The following FBXL13 variants were observed in gnomAD, a reference collection of about 807,000 sequenced individuals.
FBXL13 encodes F-box and leucine rich repeat protein 13, also known as F-box and leucine-rich repeat protein 13.
A neutral mutation model predicts 83.6 loss-of-function variants in FBXL13; 67 were observed. That is an observed-to-expected ratio of 0.80 (90% CI 0.66 to 0.98). The LOEUF is 0.98. FBXL13 is among the 50% of genes least tolerant of loss of function. FBXL13 has a pLI of 0.00. For synonymous variants in FBXL13, 272 were observed against 299.5 expected, an observed-to-expected ratio of 0.91 and a Z score of 0.95; for missense variants, 822 against 866.5, an observed-to-expected ratio of 0.95 and a Z score of 0.64.
intron 8 of FBXL13, among the ~76,000 whole-genome samples, chr7:102,956,089 A>G (rs1289541752): frequency 1.4e-4 from 22 of 152,158 alleles, no homozygotes; most frequent in Admixed American, 1.4e-3. Flanking sequence ...AAAAAAGAGA[A>G]TTTTAGACCA....
intron 11 of FBXL13, among the ~76,000 whole-genome samples, chr7:102,903,946 T>TTTC (rs1554447258): frequency 7.0e-6 from 1 of 142,996 alleles, no homozygotes; most frequent in African/African-American, 2.6e-5. Context: ...TTTCTTTTTT[T>TTTC]TTTTTTTTTT....
At chr7:102,926,705 T>C (rs1357562928) in intron 9 of FBXL13, among the ~76,000 whole-genome samples, 1 of 152,218 alleles carries the variant, frequency 6.6e-6, no homozygotes, top group Non-Finnish European at 1.5e-5. Context: ...CACTTCTGAC[T>C]CTTCATATGC....
intron 16 of FBXL13, among the ~76,000 whole-genome samples, chr7:102,859,002 T>A (rs755866456): frequency 2.6e-5 from 4 of 152,132 alleles, no homozygotes; most frequent in Non-Finnish European, 4.4e-5. Flanking sequence ...GTACATGAAT[T>A]ATGTCTCAAT....
chr7:102,866,977 T>C (rs188650936), intron 16 of FBXL13, among the ~76,000 whole-genome samples: 3 of 152,280 alleles, frequency 2.0e-5, no homozygotes, highest in East Asian at 3.9e-4. Flanking sequence ...TAGAGACATA[T>C]ACAAAGTGCA....
Position 103,052,765 on chromosome 7 carries a change from T to A in FBXL13, c.-1+2879A>T, listed in dbSNP as rs536072751. 1.2e-3 allele frequency among the ~76,000 whole-genome samples: 182 copies of A among 151,760 alleles called. 1 individual carries two copies. The highest frequency in any genetic ancestry group is 4.3e-3 in the African/African-American group (178 of 41,432). The stretch of plus-strand genomic sequence containing the variant: ...TCTGACAATTCCTTTTCTTTTTTTT[T>A]TTTTTTTTGAGATGGAGTTTCATTC... On this transcript the variant is annotated intron_variant, in intron 2 of 19. Coordinates refer to ENST00000313221, the Ensembl canonical transcript of FBXL13.
intron 18 of FBXL13, 182 bp from the exon 20 acceptor site, chr7:102,822,385 G>A (rs1191664414): frequency 1.4e-6 from 1 of 705,530 alleles, no homozygotes; most frequent in African/African-American, 1.7e-5. Context: ...AGAGGTACCT[G>A]CAATTGGTGT....
chr7:102,827,079 G>T, intron 18 of FBXL13: 1 of 442,040 alleles, frequency 2.3e-6, no homozygotes, highest in South Asian at 1.6e-5. Flanking sequence ...CTTGTGACTT[G>T]CTTTGACCAA....
chr7:102,985,120 C>T (rs4729860), intron 6 of FBXL13, among the ~76,000 whole-genome samples: 81,523 of 152,000 alleles, frequency 0.54, 24,295 homozygotes, highest in Non-Finnish European at 0.67. Flanking sequence ...TGATCACCTG[C>T]CTGTCACTAA....
chr7:103,062,040 A>AC (rs1054608345), intron 1 of FBXL13, among the ~76,000 whole-genome samples: 11 of 151,342 alleles, frequency 7.3e-5, no homozygotes, highest in South Asian at 2.1e-4. Context: ...AAAAAAAAAA[A>AC]AAAACAAACC....
intron 6 of FBXL13, chr7:102,973,258 T>C (rs1826957798): frequency 8.0e-6 from 3 of 376,498 alleles, no homozygotes; most frequent in South Asian, 7.8e-5. Flanking sequence ...GAGTAACTCC[T>C]CTCTTCTCAG....
chr7:102,940,045 C>A (rs1404440643), intron 8 of FBXL13, among the ~76,000 whole-genome samples: 1 of 151,702 alleles, frequency 6.6e-6, no homozygotes, highest in African/African-American at 2.4e-5. Context: ...TGGGCATGTG[C>A]CACCAGGCCT....
intron 10 of FBXL13, among the ~76,000 whole-genome samples, chr7:102,916,888 A>C (rs1216886971): frequency 6.6e-6 from 1 of 152,136 alleles, no homozygotes; most frequent in East Asian, 1.9e-4. Context: ...AGAAACTACA[A>C]AGATTTTTTT....
chr7:102,872,677 G>A (rs1468317243), intron 16 of FBXL13, among the ~76,000 whole-genome samples: 2 of 152,196 alleles, frequency 1.3e-5, no homozygotes, highest in Non-Finnish European at 2.9e-5. Flanking sequence ...CATACATGGA[G>A]ATATAACCTC....
At chr7:102,824,168 G>A (rs1297666290) in intron 18 of FBXL13, among the ~76,000 whole-genome samples, 1 of 152,178 alleles carries the variant, frequency 6.6e-6, no homozygotes, top group Non-Finnish European at 1.5e-5. Context: ...AACTACAGAT[G>A]GAAACAACTT....
chr7:102,883,949 A>G (rs942591685), intron 12 of FBXL13, among the ~76,000 whole-genome samples: 4 of 152,252 alleles, frequency 2.6e-5, no homozygotes, highest in Admixed American at 1.3e-4. Flanking sequence ...TTGGCAGCTT[A>G]GCATGGAGAA....
chr7:102,907,764 G>A (rs1813989322), intron 11 of FBXL13, among the ~76,000 whole-genome samples: 1 of 152,050 alleles, frequency 6.6e-6, no homozygotes, highest in African/African-American at 2.4e-5. Flanking sequence ...TATTGTGAAG[G>A]GTGCCGCAAT....
chr7:102,976,219 TG>T, intron 6 of FBXL13: 1 of 750,754 alleles, frequency 1.3e-6, no homozygotes, highest in Non-Finnish European at 2.5e-6. Context: ...AGGGTAACCC[TG>T]ATGGTGGCAG....
intron 9 of FBXL13, among the ~76,000 whole-genome samples, chr7:102,929,749 A>G (rs1818838874): frequency 6.6e-6 from 1 of 151,898 alleles, no homozygotes; most frequent in African/African-American, 2.4e-5. Context: ...GGGTTGAGAG[A>G]AAATGAAGGG....
chr7:103,018,855 A>G (rs1196103729), intron 6 of FBXL13, among the ~76,000 whole-genome samples: 1 of 152,200 alleles, frequency 6.6e-6, no homozygotes, highest in Non-Finnish European at 1.5e-5. Context: ...AAAGAGACTT[A>G]GACTCCCACA....
Sources: allele counts gnomAD v4.1 joint callset (sites outside exome capture counted in the v4.1 genomes callset), GRCh38; gene constraint gnomAD v4.1.1; transcripts MANE v1.5; gene names NCBI Gene and HGNC (gene_info 2026-07-23, HGNC 2026-07-21).